SDC3: variants seen among roughly 807,000 people sequenced by gnomAD.
SDC3 encodes syndecan-3.
SDC3 carries 13 observed loss-of-function variants against 24.4 expected under a neutral mutation model. That is an observed-to-expected ratio of 0.53 (90% CI 0.35 to 0.85). SDC3 has a LOEUF of 0.85. Among genes scored for constraint, SDC3 ranks in the 40% least tolerant of loss-of-function variants. The pLI, the probability that SDC3 is intolerant of heterozygous loss-of-function variation, is 0.01. For synonymous variants in SDC3, 295 were observed against 260.9 expected (o/e 1.13, Z -1.26); for missense variants, 571 against 584.5 (o/e 0.98, Z 0.24).
intron 3 of SDC3, 27 bp downstream of exon 3, chr1:30,876,525 C>A: frequency 6.7e-7 from 1 of 1,499,204 alleles, no homozygotes; most frequent in South Asian, 1.4e-5. Context: ...CTCCGCCCTC[C>A]TCCCTGTCCC....
At chr1:30,909,030 C>A (rs1168266621), upstream of SDC3, among the ~76,000 whole-genome samples, 3 of 152,076 alleles carry the variant, frequency 2.0e-5, no homozygotes, top group African/African-American at 7.2e-5. Flanking sequence ...CCGCGGCCGC[C>A]GTGCTAGGTA....
At chr1:30,879,179 G>A (rs931247329) in intron 1 of SDC3, among the ~76,000 whole-genome samples, 1 of 152,064 alleles carries the variant, frequency 6.6e-6, no homozygotes, top group Admixed American at 6.5e-5. Context: ...CCACTGATGG[G>A]CCCCCTTCTG....
At chr1:30,904,857 G>A (rs1458552302) in intron 1 of SDC3, among the ~76,000 whole-genome samples, 1 of 152,116 alleles carries the variant, frequency 6.6e-6, no homozygotes, top group Non-Finnish European at 1.5e-5. Flanking sequence ...CTCACTACGT[G>A]GCAGGTGTGC....
At chr1:30,877,279 C>T (rs751670895) in intron 2 of SDC3, 114 bp from the exon 3 acceptor site, 2 of 1,342,578 alleles carry the variant, frequency 1.5e-6, no homozygotes. Context: ...CCTCTCTTTA[C>T]CCAATTTTCC....
chr1:30,895,483 C>G (rs1639987347), intron 1 of SDC3, among the ~76,000 whole-genome samples: 1 of 152,198 alleles, frequency 6.6e-6, no homozygotes, highest in Non-Finnish European at 1.5e-5. Context: ...CCCGGGGAAG[C>G]TGTTCCACTT....
At chr1:30,893,206 G>GGTGCCCCA (rs1468004730) in intron 1 of SDC3, among the ~76,000 whole-genome samples, 2 of 149,948 alleles carry the variant, frequency 1.3e-5, no homozygotes, top group African/African-American at 2.5e-5. Context: ...GCACCTCCAC[G>GGTGCCCCA]GTGCCCCAGG....
intron 2 of SDC3, 133 bp from the exon 3 acceptor site, chr1:30,877,298 A>G: frequency 8.1e-7 from 1 of 1,233,270 alleles, no homozygotes; most frequent in South Asian, 1.4e-5. Context: ...CCCAGAAAAG[A>G]TGAGAGAAAG....
chr1:30,908,285 C>T (rs531572726), intron 1 of SDC3, among the ~76,000 whole-genome samples, 164 bp downstream of exon 1: 1 of 127,574 alleles, frequency 7.8e-6, no homozygotes, highest in East Asian at 2.7e-4. Context: ...CAGAAAGGGG[C>T]GCTCGGGGGA....
intron 2 of SDC3, 140 bp from the exon 3 acceptor site, chr1:30,877,305 A>G: frequency 8.6e-7 from 1 of 1,161,672 alleles, no homozygotes; most frequent in Non-Finnish European, 1.2e-6. Flanking sequence ...AAGATGAGAG[A>G]AAGGAGGAAG....
Position 30,873,118 on chromosome 1 carries a change from T to A in SDC3, c.*93A>T. 1.1e-6 allele frequency: 1 copy of A among 911,332 alleles called. No homozygotes were observed. Among genetic ancestry groups the A allele is most frequent in the Non-Finnish European group, 1.8e-6 (1 of 563,044 alleles). The allele number at this position is 911,332 out of a possible 1,614,324, so 56.5% of individuals were successfully genotyped here. A position where few individuals can be genotyped will look rare whatever the true frequency, so the allele number is the denominator to read the frequency against. ...GGGCAGAGAAGAACTGGGGCCAGGT[T>A]CCAGGCCCAGTCCCAGGCTTGGGCT... On this transcript the variant is annotated 3_prime_UTR_variant, in exon 5 of 5. Coordinates refer to ENST00000339394, the MANE Select transcript of SDC3 (RefSeq NM_014654.4).
At position 30,869,936 on chromosome 1, in the gene SDC3, G is replaced by T. The variant is rs1010350698; in HGVS notation, c.*3275C>A. ...CCAGGCAGGCACCTGGGGGATGCTG[G>T]GGCCATCGGCTCTCAGATGGCAACT... On this transcript the variant is annotated 3_prime_UTR_variant, in exon 5 of 5. Transcript: ENST00000339394. 2 of 398,478 alleles carry T rather than the reference G, an allele frequency of 5.0e-6. No homozygotes were observed. Among genetic ancestry groups the T allele is most frequent in the African/African-American group, 4.1e-5 (2 of 48,610 alleles). The allele number at this position is 398,478 out of a possible 1,614,324, so 24.7% of individuals were successfully genotyped here. A position where few individuals can be genotyped will look rare whatever the true frequency, so the allele number is the denominator to read the frequency against.
chr1:30,905,960 GACACACACACAC>G (rs140209147), intron 1 of SDC3, among the ~76,000 whole-genome samples: 1 of 147,472 alleles, frequency 6.8e-6, no homozygotes, highest in East Asian at 2.0e-4. Context: ...AAGACACGAA[GACACACACACAC>G]ACACACACAC....
At chr1:30,877,435 C>T (rs2124312521) in intron 2 of SDC3, 1 of 601,202 alleles carries the variant, frequency 1.7e-6, no homozygotes, top group Admixed American at 3.0e-5. Context: ...CCCACCCAGC[C>T]TACAGTTTCT....
At chr1:30,894,187 G>T (rs34793487) in intron 1 of SDC3, among the ~76,000 whole-genome samples, 1 of 151,264 alleles carries the variant, frequency 6.6e-6, no homozygotes, top group Non-Finnish European at 1.5e-5. Context: ...GTGGGGGTAA[G>T]AGTGCGTGTG....
At position 30,871,808 on chromosome 1, in the gene SDC3, C is replaced by T. The variant is rs1228627626; in HGVS notation, c.*1403G>A. On this transcript the variant is annotated 3_prime_UTR_variant, in exon 5 of 5. Transcript: ENST00000339394. ...CCCTGGGCCTTCCGTCCTGGGAGACCCAAGACCCCCCAACAACCTGGGGCC... is the reference window on the plus strand; with the variant it reads ...CCCTGGGCCTTCCGTCCTGGGAGACTCAAGACCCCCCAACAACCTGGGGCC... 1.3e-5 allele frequency: 2 copies of T among 152,350 alleles called. No homozygotes were observed. Among genetic ancestry groups the T allele is most frequent in the East Asian group, 1.9e-4 (1 of 5,184 alleles). The allele number at this position is 152,350 out of a possible 1,614,324, so 9.4% of individuals were successfully genotyped here. A position where few individuals can be genotyped will look rare whatever the true frequency, so the allele number is the denominator to read the frequency against.
chr1:30,908,879 C>T (rs186406831), upstream of SDC3: 49,736 of 148,174 alleles, frequency 0.34, 9,230 homozygotes, highest in Non-Finnish European at 0.41. Context: ...CGCGGGGCTC[C>T]GCGCCCTCTG....
intron 1 of SDC3, among the ~76,000 whole-genome samples, chr1:30,892,466 T>C (rs1639921984): frequency 6.7e-6 from 1 of 149,610 alleles, no homozygotes; most frequent in East Asian, 2.0e-4. Context: ...AATGAATGAA[T>C]GATCCTAAAA....
intron 1 of SDC3, 121 bp from the exon 2 acceptor site, chr1:30,878,861 G>T: frequency 1.3e-6 from 1 of 759,238 alleles, no homozygotes; most frequent in Non-Finnish European, 2.3e-6. Flanking sequence ...CAGAGATCTT[G>T]TGTGTACCCT....
chr1:30,884,822 G>A (rs868506482), intron 1 of SDC3, among the ~76,000 whole-genome samples: 1 of 152,158 alleles, frequency 6.6e-6, no homozygotes, highest in Admixed American at 6.5e-5. Flanking sequence ...TGTAATTTAC[G>A]AGAGGGAAAA....
Sources: gnomAD v4.1 joint callset for allele counts (sites outside exome capture counted in the v4.1 genomes callset) on GRCh38, gnomAD v4.1.1 for gene constraint, MANE v1.5 for transcripts, NCBI Gene and HGNC (gene_info 2026-07-23, HGNC 2026-07-21) for gene names.